NRG3: variants seen among roughly 807,000 people sequenced by gnomAD.
NRG3 encodes the protein neuregulin 3.
Under a neutral mutation model 66.9 loss-of-function variants are expected in NRG3, and 31 were observed. The ratio of observed to expected loss-of-function variants is 0.46; its 90% CI spans 0.35 to 0.63. The LOEUF is 0.63. Among genes scored for constraint, NRG3 ranks in the 20% least tolerant of loss-of-function variants. The probability of loss-of-function intolerance (pLI) is 0.00; values close to 1 mark genes in which losing one functional copy is unlikely to be tolerated. For missense variants in NRG3, 910 were observed against 878.9 expected (o/e 1.04, Z -0.45); for synonymous variants, 393 against 359.4 (o/e 1.09, Z -1.06).
intron 3 of NRG3, among the ~76,000 whole-genome samples, chr10:82,805,203 A>G (rs2061226106): frequency 6.6e-6 from 1 of 152,174 alleles, no homozygotes; most frequent in Non-Finnish European, 1.5e-5. Flanking sequence ...GAGTGGTTAG[A>G]GTCTTGGGTC....
chr10:82,324,392 A>G (rs777779501), intron 1 of NRG3, among the ~76,000 whole-genome samples: 6 of 151,788 alleles, frequency 4.0e-5, no homozygotes, highest in South Asian at 2.1e-4. Context: ...GTTTTTCTCT[A>G]TTGATTTTCA....
intron 1 of NRG3, among the ~76,000 whole-genome samples, chr10:82,239,949 A>G (rs1260926996): frequency 6.6e-6 from 1 of 152,190 alleles, no homozygotes; most frequent in East Asian, 1.9e-4. Flanking sequence ...GTGACTCTTA[A>G]TATTATAACG....
chr10:82,507,447 GTGCAGGCTT>G (rs1328986419), intron 2 of NRG3, among the ~76,000 whole-genome samples: 1 of 152,166 alleles, frequency 6.6e-6, no homozygotes, highest in African/African-American at 2.4e-5. Context: ...ACAAGCCTTG[GTGCAGGCTT>G]TGCCTCCAAG....
chr10:82,151,847 T>C lies in NRG3; in HGVS notation c.824-206892T>C, dbSNP rs941081100. Among the ~76,000 whole-genome samples the C allele has an allele frequency of 4.6e-5, 7 of 152,346 alleles. No homozygotes were observed. The East Asian group carries it at 1.4e-3, about 29-fold the overall frequency. Reference sequence around the variant, plus strand: ...CTCAGAAGACTTGGATCCCAATCCTTACTCACTTGTCGAGGGAGTTTGAAC... The same window carrying C: ...CTCAGAAGACTTGGATCCCAATCCTCACTCACTTGTCGAGGGAGTTTGAAC... On this transcript the variant is annotated intron_variant, in intron 1 of 8. Coordinates refer to ENST00000372141, the MANE Select transcript of NRG3 (RefSeq NM_001010848.4).
At chr10:81,963,458 G>A (rs1430212042) in intron 1 of NRG3, among the ~76,000 whole-genome samples, 1 of 152,180 alleles carries the variant, frequency 6.6e-6, no homozygotes, top group Non-Finnish European at 1.5e-5. Flanking sequence ...GTAGGGAATA[G>A]TATGTTGTTC....
intron 1 of NRG3, among the ~76,000 whole-genome samples, chr10:82,051,833 A>G (rs931990407): frequency 6.6e-6 from 1 of 150,378 alleles, no homozygotes; most frequent in African/African-American, 2.5e-5. Context: ...TGCTTCCTTT[A>G]CTTGAGATCT....
intron 2 of NRG3, among the ~76,000 whole-genome samples, chr10:82,609,015 A>G (rs2048138838): frequency 6.6e-6 from 1 of 152,166 alleles, no homozygotes; most frequent in Non-Finnish European, 1.5e-5. Context: ...TTTTAATTTA[A>G]AAAGAAGAAA....
At chr10:82,214,639 AT>A (rs1165268610) in intron 1 of NRG3, among the ~76,000 whole-genome samples, 1 of 151,544 alleles carries the variant, frequency 6.6e-6, no homozygotes, top group Non-Finnish European at 1.5e-5. Flanking sequence ...ATTAAAAAAA[AT>A]TTTTTTTGCA....
chr10:82,175,647 G>A (rs2072971007), intron 1 of NRG3, among the ~76,000 whole-genome samples: 1 of 152,124 alleles, frequency 6.6e-6, no homozygotes, highest in African/African-American at 2.4e-5. Flanking sequence ...TTGTAAGATA[G>A]CACTCATTAT....
chr10:81,948,150 C>T (rs1039574719), intron 1 of NRG3, among the ~76,000 whole-genome samples: 2 of 152,102 alleles, frequency 1.3e-5, no homozygotes, highest in African/African-American at 4.8e-5. Context: ...GTAAAATCTG[C>T]AGGACACTTG....
chr10:82,856,756 C>CAAAA (rs67224862), intron 3 of NRG3, among the ~76,000 whole-genome samples: 51 of 107,408 alleles, frequency 4.7e-4, no homozygotes, highest in South Asian at 6.3e-4. Context: ...AAAAAAAAAA[C>CAAAA]AAAAAAAAAA....
intron 3 of NRG3, among the ~76,000 whole-genome samples, chr10:82,782,735 G>T (rs998923085): frequency 4.6e-5 from 7 of 152,160 alleles, no homozygotes; most frequent in African/African-American, 1.7e-4. Flanking sequence ...CAACCAAAAA[G>T]AGTCCAGGAC....
At chr10:82,256,832 G>A (rs569687334) in intron 1 of NRG3, among the ~76,000 whole-genome samples, 1 of 152,290 alleles carries the variant, frequency 6.6e-6, no homozygotes, top group Admixed American at 6.5e-5. Context: ...ATCAATAGCT[G>A]AGTTCTTACA....
At chr10:82,951,645 C>A (rs988215724) in intron 5 of NRG3, 74 bp downstream of exon 5, 1 of 1,261,444 alleles carries the variant, frequency 7.9e-7, no homozygotes, top group Non-Finnish European at 1.2e-6. Flanking sequence ...AGTTCTCAGT[C>A]TGTGTGCCAC....
At chr10:82,146,153 T>G (rs1315983351) in intron 1 of NRG3, among the ~76,000 whole-genome samples, 1 of 152,230 alleles carries the variant, frequency 6.6e-6, no homozygotes, top group Non-Finnish European at 1.5e-5. Context: ...TGCAAATATT[T>G]AAAGCCTGCT....
At chr10:82,197,348 A>G (rs1271483465) in intron 1 of NRG3, among the ~76,000 whole-genome samples, 1 of 152,170 alleles carries the variant, frequency 6.6e-6, no homozygotes, top group Non-Finnish European at 1.5e-5. Flanking sequence ...TAGTTTTCTG[A>G]CTGCCATTTC....
At chr10:82,443,692 A>T (rs1028700964) in intron 2 of NRG3, among the ~76,000 whole-genome samples, 1 of 152,216 alleles carries the variant, frequency 6.6e-6, no homozygotes, top group African/African-American at 2.4e-5. Context: ...CAATCAAAGT[A>T]TATGCAAAAT....
intron 3 of NRG3, among the ~76,000 whole-genome samples, chr10:82,828,473 G>A (rs1350977231): frequency 3.3e-5 from 5 of 152,070 alleles, no homozygotes; most frequent in Admixed American, 2.6e-4. Context: ...TGGAAGAGAG[G>A]CTATACCTTA....
chr10:82,605,462 A>G, intron 2 of NRG3, among the ~76,000 whole-genome samples: 1 of 151,994 alleles, frequency 6.6e-6, no homozygotes, highest in Non-Finnish European at 1.5e-5. Context: ...CTTTTACTAC[A>G]TCAGTGGGTT....
Sources: gnomAD v4.1 joint callset for allele counts (sites outside exome capture counted in the v4.1 genomes callset) on GRCh38, gnomAD v4.1.1 for gene constraint, MANE v1.5 for transcripts, NCBI Gene and HGNC (gene_info 2026-07-23, HGNC 2026-07-21) for gene names.